The following ZYG11B variants were observed in gnomAD, a reference collection of about 807,000 sequenced individuals.
ZYG11B encodes zyg-11 family member B, cell cycle regulator, also known as protein zyg-11 homolog B.
Under a neutral mutation model 82.4 loss-of-function variants are expected in ZYG11B, and 36 were observed. The observed-to-expected ratio is 0.44, with a 90% CI of 0.33 to 0.58. ZYG11B has a LOEUF of 0.58. Ranked by LOEUF, ZYG11B falls within the 20% of genes least tolerant of loss-of-function variation. The pLI, the probability that ZYG11B is intolerant of heterozygous loss-of-function variation, is 0.02. For missense variants in ZYG11B, 552 were observed against 895.6 expected, an observed-to-expected ratio of 0.62 and a Z score of 4.90; for synonymous variants, 303 against 312.8, an observed-to-expected ratio of 0.97 and a Z score of 0.33.
At chr1:52,737,906 G>T (rs1306604879) in intron 1 of ZYG11B, among the ~76,000 whole-genome samples, 1 of 152,240 alleles carries the variant, frequency 6.6e-6, no homozygotes, top group Non-Finnish European at 1.5e-5. Flanking sequence ...GGGAAAAGAG[G>T]TTGGGTAGGT....
intron 2 of ZYG11B, among the ~76,000 whole-genome samples, chr1:52,770,357 C>T (rs1644739264): frequency 6.6e-6 from 1 of 151,960 alleles, no homozygotes; most frequent in South Asian, 2.1e-4. Context: ...TAATGAATTA[C>T]AAGGCATTAA....
chr1:52,738,298 C>T (rs1644394863), intron 1 of ZYG11B, among the ~76,000 whole-genome samples: 1 of 152,120 alleles, frequency 6.6e-6, no homozygotes, highest in Admixed American at 6.6e-5. Context: ...GCAGCCTCAG[C>T]CTCCTAAGTG....
chr1:52,727,436 A>G (rs941128952), intron 1 of ZYG11B, among the ~76,000 whole-genome samples: 11 of 152,216 alleles, frequency 7.2e-5, no homozygotes, highest in Admixed American at 6.6e-4. Context: ...GAGGGCCAGC[A>G]TGCATACTGT....
intron 10 of ZYG11B, among the ~76,000 whole-genome samples, chr1:52,808,384 T>A (rs1028774455): frequency 6.6e-6 from 1 of 152,108 alleles, no homozygotes. Context: ...AAAAAAAGAT[T>A]TAAGATTAGT....
At chr1:52,739,499 A>G (rs1459158594) in intron 1 of ZYG11B, among the ~76,000 whole-genome samples, 1 of 152,208 alleles carries the variant, frequency 6.6e-6, no homozygotes, top group Non-Finnish European at 1.5e-5. Flanking sequence ...AACTGTTTTT[A>G]TAGGCTTAAA....
chr1:52,797,031 T>TTA (rs950135929), intron 8 of ZYG11B, among the ~76,000 whole-genome samples: 1 of 93,824 alleles, frequency 1.1e-5, no homozygotes, highest in Non-Finnish European at 1.8e-5. Context: ...ATATATAAAT[T>TTA]TATATATATA....
rs565213810 is a variant in ZYG11B, at chr1:52,749,643, G to A, written c.31-6815G>A. ...TTTGAGATGGAGTTTTGCTCTCGTC[G>A]CCCAGGCTGGAGTGCAATGGTGCGA... is the stretch of plus-strand genomic sequence containing the variant. On this transcript the variant is annotated intron_variant, in intron 1 of 13. Transcript: ENST00000294353. 3.3e-5 allele frequency among the ~76,000 whole-genome samples: 5 copies of A among 151,846 alleles called. No homozygotes were observed. The East Asian group carries it at 5.8e-4, about 18-fold the overall frequency.
At chr1:52,767,082 T>C (rs1314156913) in intron 2 of ZYG11B, among the ~76,000 whole-genome samples, 1 of 116,568 alleles carries the variant, frequency 8.6e-6, no homozygotes, top group Non-Finnish European at 1.6e-5. Context: ...TTATGTTATT[T>C]TATGTTATAT....
chr1:52,770,238 T>C (rs11206011), intron 2 of ZYG11B, among the ~76,000 whole-genome samples: 73,665 of 151,340 alleles, frequency 0.49, 18,398 homozygotes, highest in East Asian at 0.62. Context: ...ACTATAGGCA[T>C]GACCACTGTG....
Position 52,818,583 on chromosome 1 carries a change from C to G in ZYG11B, c.2044+1954C>G, listed in dbSNP as rs997763420. ...GCTGCAAGTAAAAAGCGACATGGTT[C>G]TCCATATAAGAGGGAAACATTCCAT... On this transcript the variant is annotated intron_variant, in intron 13 of 13. Coordinates refer to ENST00000294353, the MANE Select transcript of ZYG11B (RefSeq NM_024646.3). Among the ~76,000 whole-genome samples the G allele has an allele frequency of 9.2e-5, 14 of 152,112 alleles. No homozygotes were observed. The East Asian group carries it at 2.5e-3, about 27-fold the overall frequency.
intron 1 of ZYG11B, among the ~76,000 whole-genome samples, chr1:52,753,356 A>G (rs536054944): frequency 4.7e-5 from 7 of 149,026 alleles, no homozygotes; most frequent in Admixed American, 1.3e-4. Flanking sequence ...GAGGTTTCCA[A>G]TTTTTTCTCC....
chr1:52,790,428 AG>A lies in ZYG11B; in HGVS notation c.1334+362del, dbSNP rs1176779095. 4.3e-4 allele frequency among the ~76,000 whole-genome samples: 65 copies of A among 152,296 alleles called. 1 individual carries two copies. The highest frequency in any genetic ancestry group is 1.0e-3 in the Admixed American group (16 of 15,288). On this transcript the variant is annotated intron_variant, in intron 6 of 13. Coordinates refer to ENST00000294353, the MANE Select transcript of ZYG11B (RefSeq NM_024646.3). ...TATGGCTTTGTGTCTAATAACTGCA[AG>A]ATTAGTAAGATGCAGGTTTGGCCAG...
Position 52,771,257 on chromosome 1 carries a change from C to T in ZYG11B, c.434C>T (p.Ser145Leu). 1 of 1,614,216 alleles carries T rather than the reference C, an allele frequency of 6.2e-7. No individual in the cohort carries two copies. The highest frequency in any genetic ancestry group is 8.5e-7 in the Non-Finnish European group (1 of 1,180,038). The change falls in exon 3 of 14, where the codon TCA becomes TTA. Residue 145 changes from serine (S) to leucine (L), a missense_variant. Transcript: ENST00000294353. This position sits in a 1 kb window ranked among gnomAD's most constrained non-coding sequence, Gnocchi z 5.4. ...QQNLQCLVLN[S>L]LTLSLEDPYE... ...AATCTCCAGTGCCTGGTGCTGAATT[C>T]ATTAACTCTCTCCCTCGAGGATCCT...
At chr1:52,726,995 CCTTT>C (rs1275670575) in intron 1 of ZYG11B, among the ~76,000 whole-genome samples, 1 of 151,912 alleles carries the variant, frequency 6.6e-6, no homozygotes, top group Non-Finnish European at 1.5e-5. Flanking sequence ...CCTAACCCTT[CCTTT>C]CTTTCTCCTC....
At chr1:52,807,170 C>CT (rs111285617) in intron 10 of ZYG11B, among the ~76,000 whole-genome samples, 11 of 147,470 alleles carry the variant, frequency 7.5e-5, no homozygotes, top group African/African-American at 1.5e-4. Flanking sequence ...CGCGCCCGGC[C>CT]TTTTTTTTTT....
chr1:52,797,197 ATTAT>A (rs1431026657), intron 8 of ZYG11B, among the ~76,000 whole-genome samples: 23 of 70,028 alleles, frequency 3.3e-4, no homozygotes, highest in African/African-American at 6.9e-4. Context: ...TTATATATAA[ATTAT>A]TTATATATAA....
intron 4 of ZYG11B, among the ~76,000 whole-genome samples, chr1:52,782,680 C>T (rs1356934461): frequency 6.6e-6 from 1 of 152,130 alleles, no homozygotes; most frequent in Non-Finnish European, 1.5e-5. Flanking sequence ...AGGGCTCGAG[C>T]AATCCTCCTG....
At chr1:52,726,763 C>T in intron 1 of ZYG11B, 80 bp downstream of exon 1, 1 of 1,346,568 alleles carries the variant, frequency 7.4e-7, no homozygotes, top group Non-Finnish European at 9.6e-7. Flanking sequence ...TGCGGTCTTG[C>T]CCCTCCCTGT....
At chr1:52,797,132 ATTTATATATTATATATTATATAT>A (rs1645023253) in intron 8 of ZYG11B, among the ~76,000 whole-genome samples, 2 of 67,356 alleles carry the variant, frequency 3.0e-5, no homozygotes, top group African/African-American at 2.3e-4. Flanking sequence ...TATATTATAT[ATTTATATATTATATATTATATAT>A]TTATATATTA....
Sources: allele counts gnomAD v4.1 joint callset (sites outside exome capture counted in the v4.1 genomes callset), GRCh38; gene constraint gnomAD v4.1.1; non-coding constraint Gnocchi (gnomAD v3.1); transcripts MANE v1.5; gene names NCBI Gene and HGNC (gene_info 2026-07-23, HGNC 2026-07-21).